Variants in PCDH9 observed in about 807,000 individuals in gnomAD.
PCDH9 encodes the protein protocadherin-9.
A neutral mutation model predicts 70.6 loss-of-function variants in PCDH9; 24 were observed. The observed-to-expected ratio is 0.34, with a 90% confidence interval of 0.25 to 0.48. The LOEUF (loss-of-function observed/expected upper bound fraction) is 0.48. PCDH9 is among the 20% of genes least tolerant of loss of function. The pLI is 0.99. For missense variants in PCDH9, 1,281 were observed against 1,503.6 expected, an observed-to-expected ratio of 0.85 and a Z score of 2.45; for synonymous variants, 562 against 558.5, an observed-to-expected ratio of 1.01 and a Z score of -0.09.
chr13:66,777,084 A>T (rs11148726), intron 3 of PCDH9, among the ~76,000 whole-genome samples: 2 of 147,658 alleles, frequency 1.4e-5, no homozygotes, highest in Non-Finnish European at 3.0e-5. Flanking sequence ...CATATGTAGA[A>T]AGCTGAAACT....
At chr13:66,458,632 A>C (rs1031899342) in intron 4 of PCDH9, among the ~76,000 whole-genome samples, 1 of 152,058 alleles carries the variant, frequency 6.6e-6, no homozygotes, top group Non-Finnish European at 1.5e-5. Flanking sequence ...ATCAGTTTAC[A>C]TACATCACCA....
At chr13:66,730,888 TTTGTTTC>T in intron 3 of PCDH9, among the ~76,000 whole-genome samples, 1 of 7,602 alleles carries the variant, frequency 1.3e-4, no homozygotes, top group East Asian at 0.016. Context: ...TTTTTTTTTG[TTTGTTTC>T]TTTTTTTTTG....
intron 2 of PCDH9, among the ~76,000 whole-genome samples, chr13:67,162,287 C>T (rs147146516): frequency 6.6e-6 from 1 of 152,148 alleles, no homozygotes; most frequent in East Asian, 1.9e-4. Context: ...TTCTAGTTCT[C>T]CTGATATGTA....
chr13:66,809,742 A>G (rs1484484265), intron 3 of PCDH9, among the ~76,000 whole-genome samples: 1 of 151,748 alleles, frequency 6.6e-6, no homozygotes, highest in Non-Finnish European at 1.5e-5. Flanking sequence ...ACTGTGTTTC[A>G]TTAGCTTTTG....
chr13:66,314,629 G>A (rs1955618497), intron 4 of PCDH9, among the ~76,000 whole-genome samples: 1 of 152,066 alleles, frequency 6.6e-6, no homozygotes, highest in Non-Finnish European at 1.5e-5. Context: ...CAGGAGTATT[G>A]GATTACTAAT....
At chr13:66,950,958 T>C (rs1050735928) in intron 2 of PCDH9, among the ~76,000 whole-genome samples, 3 of 109,598 alleles carry the variant, frequency 2.7e-5, no homozygotes, top group African/African-American at 1.4e-4. Context: ...ACCCTTGGCT[T>C]ATAAGCAAAA....
intron 4 of PCDH9, among the ~76,000 whole-genome samples, chr13:66,493,043 C>G (rs983427720): frequency 6.6e-6 from 1 of 151,994 alleles, no homozygotes; most frequent in Non-Finnish European, 1.5e-5. Context: ...TAGAATACTA[C>G]AGAATAAAGA....
chr13:67,120,787 C>G (rs1229156207), intron 2 of PCDH9, among the ~76,000 whole-genome samples: 1 of 152,074 alleles, frequency 6.6e-6, no homozygotes, highest in Non-Finnish European at 1.5e-5. Flanking sequence ...GATACACTTT[C>G]TCATTTATGG....
chr13:66,689,263 A>G (rs1050530904), intron 3 of PCDH9, among the ~76,000 whole-genome samples: 5 of 152,122 alleles, frequency 3.3e-5, no homozygotes, highest in South Asian at 4.1e-4. Context: ...GAGACCCCCA[A>G]TACAGAATAC....
At chr13:67,220,243 C>T (rs1022560732) in intron 2 of PCDH9, 1 of 139,254 alleles carries the variant, frequency 7.2e-6, no homozygotes, top group African/African-American at 2.7e-5. Context: ...GTGTCATTTT[C>T]ATACTTCAGT....
Position 66,536,119 on chromosome 13 carries a change from T to C in PCDH9, c.3340+95091A>G, listed in dbSNP as rs925338254. 3.9e-5 allele frequency among the ~76,000 whole-genome samples: 6 copies of C among 152,048 alleles called. 1 individual carries two copies. Among genetic ancestry groups the C allele is most frequent in the Admixed American group, 2.6e-4 (4 of 15,234 alleles). Reference sequence around the variant, plus strand: ...TCTGTTAAGTTTAAAAAGCAATTTTTCCATTAATATCTCAATTGATTATTC... The same window carrying C: ...TCTGTTAAGTTTAAAAAGCAATTTTCCCATTAATATCTCAATTGATTATTC... On this transcript the variant is annotated intron_variant, in intron 4 of 4. Transcript: ENST00000377865.
At chr13:66,935,016 G>A (rs1314871098) in intron 2 of PCDH9, among the ~76,000 whole-genome samples, 5 of 151,706 alleles carry the variant, frequency 3.3e-5, no homozygotes, top group Non-Finnish European at 7.4e-5. Context: ...CACCGCGCCC[G>A]GCCGTGTTTG....
At chr13:66,799,300 C>T (rs945765298) in intron 3 of PCDH9, among the ~76,000 whole-genome samples, 9 of 152,076 alleles carry the variant, frequency 5.9e-5, no homozygotes, top group African/African-American at 1.2e-4. Flanking sequence ...ACTGACGGAA[C>T]GAGGAAAAGC....
chr13:67,154,575 C>CAAAAAAA (rs753995213), intron 2 of PCDH9, among the ~76,000 whole-genome samples: 4 of 37,272 alleles, frequency 1.1e-4, no homozygotes, highest in Non-Finnish European at 1.9e-4. Context: ...GACCCTGTCT[C>CAAAAAAA]AAAAAAAAAA....
At chr13:66,934,465 C>T (rs143270918) in intron 2 of PCDH9, among the ~76,000 whole-genome samples, 110 of 147,600 alleles carry the variant, frequency 7.5e-4, no homozygotes, top group African/African-American at 2.4e-3. Flanking sequence ...CACTTGAACC[C>T]GGGAGCCGGA....
At chr13:66,346,904 T>A (rs1593837171) in intron 4 of PCDH9, among the ~76,000 whole-genome samples, 2 of 152,138 alleles carry the variant, frequency 1.3e-5, no homozygotes. Context: ...GCCACAAGAG[T>A]CAGCAACACT....
At chr13:66,559,825 T>A (rs1961923846) in intron 4 of PCDH9, among the ~76,000 whole-genome samples, 26 of 107,776 alleles carry the variant, frequency 2.4e-4, no homozygotes, top group East Asian at 3.3e-4. Flanking sequence ...AAAATATATA[T>A]ATATATATAC....
chr13:66,574,080 C>G (rs1250129048), intron 4 of PCDH9, among the ~76,000 whole-genome samples: 1 of 152,204 alleles, frequency 6.6e-6, no homozygotes. Context: ...TGCTTTCCTA[C>G]TTGCCTACGG....
chr13:66,618,582 AT>A (rs1373916577), intron 4 of PCDH9, among the ~76,000 whole-genome samples: 3 of 152,104 alleles, frequency 2.0e-5, no homozygotes, highest in Non-Finnish European at 2.9e-5. Flanking sequence ...TAGTAATTTT[AT>A]TTTCTGTAAT....
Sources: allele counts gnomAD v4.1 joint callset (sites outside exome capture counted in the v4.1 genomes callset), GRCh38; gene constraint gnomAD v4.1.1; transcripts MANE v1.5; gene names NCBI Gene and HGNC (gene_info 2026-07-23, HGNC 2026-07-21).